ANKRD17: variants seen among roughly 807,000 people sequenced by gnomAD.
ANKRD17 encodes ankyrin repeat domain-containing protein 17.
ANKRD17 carries 19 observed loss-of-function variants against 229.7 expected under a neutral mutation model. The observed-to-expected ratio is 0.08, with a 90% CI of 0.06 to 0.12. The LOEUF is 0.12. Ranked by LOEUF, ANKRD17 falls within the 10% of genes least tolerant of loss-of-function variation. The pLI is 1.00. For synonymous variants in ANKRD17, 1,112 were observed against 1,146.1 expected, an observed-to-expected ratio of 0.97 and a Z score of 0.60; for missense variants, 2,176 against 3,176.8, an observed-to-expected ratio of 0.68 and a Z score of 7.57.
At chr4:73,241,041 G>A (rs1047674788) in intron 1 of ANKRD17, among the ~76,000 whole-genome samples, 1 of 151,848 alleles carries the variant, frequency 6.6e-6, no homozygotes, top group African/African-American at 2.4e-5. Context: ...GAACTCCTGA[G>A]CTCAGGCAAC....
rs746643555 is a variant in ANKRD17 at position 73,258,420 on chromosome 4, G to A, written c.249C>T (p.Pro83=). ...TGTCGCTGCTGCTTTCGCTGCTGCTGGGGGGTCGGCAAGTCCGGTTACGCT... is the reference window on the plus strand; with the variant it reads ...TGTCGCTGCTGCTTTCGCTGCTGCTAGGGGGTCGGCAAGTCCGGTTACGCT... ...KAKRNRTCRP[P]SSSESSSDSD... Residue 83 remains proline, a synonymous_variant, in exon 1 of 34, where the codon CCC becomes CCT. Transcript: ENST00000358602. The A allele has an allele frequency of 1.9e-6, 3 of 1,610,398 alleles. No homozygotes were observed. Among genetic ancestry groups the A allele is most frequent in the South Asian group, 2.2e-5 (2 of 90,986 alleles).
intron 1 of ANKRD17, among the ~76,000 whole-genome samples, chr4:73,214,514 CTGATGACACAAAAGCAA>C (rs1740739518): frequency 6.6e-6 from 1 of 152,100 alleles, no homozygotes; most frequent in Non-Finnish European, 1.5e-5. Context: ...GACACTTGCA[CTGATGACACAAAAGCAA>C]TGGTGGGTAA....
At chr4:73,102,817 T>C (rs538537799) in intron 24 of ANKRD17, 18 of 335,384 alleles carry the variant, frequency 5.4e-5, no homozygotes, top group Middle Eastern at 8.4e-4. Context: ...GACATGTAAG[T>C]TGAACCGACA....
In ANKRD17 at chr4:73,135,247, G is replaced by A; in HGVS notation, c.3104C>T (p.Ser1035Phe). The A allele has an allele frequency of 1.9e-6, 3 of 1,612,930 alleles. No individual in the cohort carries two copies. The highest frequency in any genetic ancestry group is 8.5e-7 in the Non-Finnish European group (1 of 1,179,306). ...GTGGGTAGGAGTGTTTGACATTGCA[G>A]ATGCTCTTCCACTGACTGCTGTTGA... is the stretch of plus-strand genomic sequence containing the variant. ...DIMAAVSGRA[S>F]AMSNTPTHSI... is the part of the protein sequence containing the mutation. Residue 1035 changes from serine to phenylalanine, a missense_variant, in exon 16 of 34, where the codon TCT (serine) becomes TTT (phenylalanine). Ser to Phe is a radical substitution (Grantham distance 155). Around this residue, in one of 18 missense-constraint regions of ANKRD17, gnomAD observed 230 missense variants for 252.3 expected, o/e 0.91. Transcript: ENST00000358602.
intron 2 of ANKRD17, among the ~76,000 whole-genome samples, chr4:73,174,889 G>C (rs1347050862): frequency 1.3e-5 from 2 of 152,052 alleles, no homozygotes; most frequent in South Asian, 4.1e-4. Context: ...CTCTACAAGG[G>C]AAACTATAAA....
At chr4:73,230,400 A>T (rs180817669) in intron 1 of ANKRD17, among the ~76,000 whole-genome samples, 1 of 152,236 alleles carries the variant, frequency 6.6e-6, no homozygotes, top group Non-Finnish European at 1.5e-5. Context: ...TAAGATCATC[A>T]TTAGCATTTT....
intron 2 of ANKRD17, among the ~76,000 whole-genome samples, chr4:73,175,944 T>A: frequency 3.6e-5 from 5 of 140,568 alleles, no homozygotes; most frequent in East Asian, 2.1e-4. Flanking sequence ...CTAAAGCAAA[T>A]AAGGACAAAT....
At chr4:73,191,341 A>ATATGTGTGTGTGTGTGTGTGTGTGTGTG (rs1553933228) in intron 1 of ANKRD17, among the ~76,000 whole-genome samples, 95 of 125,280 alleles carry the variant, frequency 7.6e-4, no homozygotes, top group East Asian at 1.2e-3. Context: ...AAAAATATAT[A>ATATGTGTGTGTGTGTGTGTGTGTGTGTG]TGTGTGTGTG....
chr4:73,099,208 C>T, intron 25 of ANKRD17: 3 of 621,474 alleles, frequency 4.8e-6, no homozygotes, highest in Non-Finnish European at 6.1e-6. Flanking sequence ...ACAGCTTTTG[C>T]TCCGCTCCCA....
chr4:73,084,189 G>A (rs545093564), intron 30 of ANKRD17, among the ~76,000 whole-genome samples: 1 of 152,218 alleles, frequency 6.6e-6, no homozygotes, highest in East Asian at 1.9e-4. Flanking sequence ...AGACCAGCCT[G>A]GCCAATGTAG....
chr4:73,218,745 C>A (rs1163835695), intron 1 of ANKRD17, among the ~76,000 whole-genome samples: 1 of 151,916 alleles, frequency 6.6e-6, no homozygotes, highest in Admixed American at 6.6e-5. Flanking sequence ...GCTGGACTAA[C>A]CTCATTGAAT....
At chr4:73,097,553 G>C (rs1169972471) in intron 26 of ANKRD17, among the ~76,000 whole-genome samples, 1 of 151,228 alleles carries the variant, frequency 6.6e-6, no homozygotes, top group Non-Finnish European at 1.5e-5. Context: ...TTCTGCCTCA[G>C]CCTCCTGAGT....
intron 1 of ANKRD17, among the ~76,000 whole-genome samples, chr4:73,241,988 T>G (rs867021415): frequency 9.9e-5 from 15 of 152,060 alleles, no homozygotes; most frequent in African/African-American, 3.6e-4. Flanking sequence ...CTTAAGTAAT[T>G]TAAGAAAAAG....
At chr4:73,223,242 C>T (rs1331510075) in intron 1 of ANKRD17, 1 of 405,576 alleles carries the variant, frequency 2.5e-6, no homozygotes, top group Non-Finnish European at 4.4e-6. Context: ...AAGCAAACTT[C>T]TGTCAAGTAA....
chr4:73,112,309 AC>A (rs1403349092), intron 24 of ANKRD17, among the ~76,000 whole-genome samples: 11 of 152,238 alleles, frequency 7.2e-5, no homozygotes, highest in Non-Finnish European at 1.3e-4. Flanking sequence ...TAATAAAAAA[AC>A]AAAAATTTAA....
At chr4:73,202,104 C>G (rs1248740483) in intron 1 of ANKRD17, among the ~76,000 whole-genome samples, 3 of 152,004 alleles carry the variant, frequency 2.0e-5, no homozygotes, top group Non-Finnish European at 4.4e-5. Flanking sequence ...TAGCATAATT[C>G]TCTCCACCAA....
Position 73,156,119 on chromosome 4 carries a change from C to T in ANKRD17, c.752G>A (p.Arg251Gln), listed in dbSNP as rs201855956. Residue 251 changes from arginine (R) to glutamine (Q), a missense_variant, in exon 4 of 34, where the codon CGA becomes CAA. Transcript: ENST00000358602. The stretch of plus-strand genomic sequence containing the variant: ...ACTTCGCCCTTCAATGAGTAACTTT[C>T]GCACAGCATTTACATCTCCTTCTGA... ...ACSEGDVNAV[R>Q]KLLIEGRSVN... The T allele has an allele frequency of 3.1e-6, 5 of 1,612,986 alleles. No homozygotes were observed. The highest frequency in any genetic ancestry group is 4.2e-6 in the Non-Finnish European group (5 of 1,179,784).
chr4:73,097,257 G>C lies in ANKRD17; in HGVS notation c.5037C>G (p.Ile1679Met). ...ATAGAGAATTACTGGTCCCTTCACT[G>C]ATAGTTTCTGACAATCTTTAACAAA... is the stretch of plus-strand genomic sequence containing the variant. ...GKASIKLSET[I>M]SEGTSNSLST... The change falls in exon 27 of 34, where the codon ATC (isoleucine) becomes ATG (methionine). Residue 1679 changes from isoleucine (I) to methionine (M), a missense_variant. Transcript: ENST00000358602. 6.3e-7 allele frequency: 1 copy of C among 1,577,322 alleles called. No individual in the cohort carries two copies.
chr4:73,217,442 C>T (rs1311958282), intron 1 of ANKRD17, among the ~76,000 whole-genome samples: 2 of 152,150 alleles, frequency 1.3e-5, no homozygotes, highest in African/African-American at 4.8e-5. Context: ...ATAAGAGTAT[C>T]CTCACTGCAA....
Sources: gnomAD v4.1 joint callset for allele counts (sites outside exome capture counted in the v4.1 genomes callset) on GRCh38, gnomAD v4.1.1 for gene constraint, gnomAD v4.1.1 regional missense constraint, MANE v1.5 for transcripts, NCBI Gene and HGNC (gene_info 2026-07-23, HGNC 2026-07-21) for gene names.